Variants in CBLB observed in about 807,000 individuals in gnomAD.
CBLB encodes E3 ubiquitin-protein ligase CBL-B.
CBLB carries 31 observed loss-of-function variants against 104.9 expected under a neutral mutation model. The observed-to-expected ratio is 0.30, with a 90% CI of 0.22 to 0.40. The LOEUF is 0.40. Ranked by LOEUF, CBLB falls within the 10% of genes least tolerant of loss-of-function variation. The pLI, the probability that CBLB is intolerant of heterozygous loss-of-function variation, is 1.00. For missense variants in CBLB, 1,062 were observed against 1,214.6 expected (o/e 0.87, Z 1.87); for synonymous variants, 440 against 422.6 (o/e 1.04, Z -0.51).
intron 3 of CBLB, among the ~76,000 whole-genome samples, chr3:105,816,830 C>T (rs940459960): frequency 1.3e-5 from 2 of 152,042 alleles, no homozygotes; most frequent in Admixed American, 1.3e-4. Context: ...TATATGGTCT[C>T]TTATTAATGG....
intron 2 of CBLB, among the ~76,000 whole-genome samples, chr3:105,863,312 A>G (rs139250772): frequency 3.3e-5 from 5 of 152,344 alleles, no homozygotes; most frequent in African/African-American, 7.2e-5. Flanking sequence ...ACTGAGTACT[A>G]AACAAAACTG....
chr3:105,655,622 A>G lies in CBLB; in HGVS notation c.*3348T>C, dbSNP rs1444537538. Reference sequence around the variant, plus strand: ...GTTTTAAAAAGGCATTTTAAAAAACAATAAAATAGTAATTGGGGAAAAAAC... The same window carrying G: ...GTTTTAAAAAGGCATTTTAAAAAACGATAAAATAGTAATTGGGGAAAAAAC... On this transcript the variant is annotated 3_prime_UTR_variant, in exon 19 of 19. Coordinates refer to ENST00000394030, the MANE Select transcript of CBLB (RefSeq NM_170662.5). 1 of 188,624 alleles carries G rather than the reference A, an allele frequency of 5.3e-6. No individual in the cohort carries two copies. Among genetic ancestry groups the G allele is most frequent in the East Asian group, 8.5e-5 (1 of 11,834 alleles). The allele number at this position is 188,624 out of a possible 1,614,324, so 11.7% of individuals were successfully genotyped here. A position where few individuals can be genotyped will look rare whatever the true frequency, so the allele number is the denominator to read the frequency against.
chr3:105,839,217 T>C (rs968663702), intron 3 of CBLB, among the ~76,000 whole-genome samples: 2 of 152,178 alleles, frequency 1.3e-5, no homozygotes, highest in Non-Finnish European at 2.9e-5. Context: ...TTCAGAGGAT[T>C]AGAATGCATC....
chr3:105,829,299 CTGTT>C lies in CBLB; in HGVS notation c.419+24111_419+24114del, dbSNP rs2087062002. Among the ~76,000 whole-genome samples the C allele has an allele frequency of 2.6e-5, 4 of 152,130 alleles. No homozygotes were observed. The South Asian group carries it at 8.3e-4, about 32-fold the overall frequency. ...ACAGGTAAAATAAACGTAACGAATA[CTGTT>C]TGTCTTTCCATAAAGATGTTTTGTC... On this transcript the variant is annotated intron_variant, in intron 3 of 18. Coordinates refer to ENST00000394030, the MANE Select transcript of CBLB (RefSeq NM_170662.5).
chr3:105,660,970 T>C (rs1576085759), intron 18 of CBLB, among the ~76,000 whole-genome samples: 2 of 151,130 alleles, frequency 1.3e-5, no homozygotes, highest in Non-Finnish European at 3.0e-5. Flanking sequence ...CTTCTTCTTT[T>C]TTTTTTTTTT....
chr3:105,762,873 T>C (rs527404367), intron 4 of CBLB, among the ~76,000 whole-genome samples: 3 of 152,194 alleles, frequency 2.0e-5, no homozygotes, highest in South Asian at 2.1e-4. Flanking sequence ...TTTTGCACCA[T>C]GCACCTGGAA....
At chr3:105,868,152 T>C (rs375126491) in intron 1 of CBLB, 1 of 1,167,776 alleles carries the variant, frequency 8.6e-7, no homozygotes, top group Non-Finnish European at 1.1e-6. Context: ...AACCACCAAG[T>C]ACGGACACAC....
At chr3:105,762,682 C>A (rs937706202) in intron 4 of CBLB, among the ~76,000 whole-genome samples, 1 of 152,204 alleles carries the variant, frequency 6.6e-6, no homozygotes, top group African/African-American at 2.4e-5. Context: ...GCTGCAGGGG[C>A]AGGGCTCTTG....
intron 4 of CBLB, among the ~76,000 whole-genome samples, chr3:105,766,785 G>A (rs57567169): frequency 0.021 from 3,125 of 152,228 alleles, 115 homozygotes; most frequent in African/African-American, 0.071. Flanking sequence ...ACTTCATTGC[G>A]ATGTACTTTA....
chr3:105,867,325 T>C, intron 2 of CBLB, 85 bp downstream of exon 2: 2 of 1,156,068 alleles, frequency 1.7e-6, no homozygotes, highest in Non-Finnish European at 2.6e-6. Context: ...CAATGGTTGG[T>C]ATTAATTAAC....
At chr3:105,767,469 C>T (rs1417331444) in intron 4 of CBLB, among the ~76,000 whole-genome samples, 1 of 151,944 alleles carries the variant, frequency 6.6e-6, no homozygotes, top group Non-Finnish European at 1.5e-5. Context: ...AAACCATTTT[C>T]CCCCTGTGGT....
chr3:105,687,910 T>C (rs910271702), intron 13 of CBLB, among the ~76,000 whole-genome samples: 2 of 151,810 alleles, frequency 1.3e-5, no homozygotes, highest in Non-Finnish European at 2.9e-5. Flanking sequence ...AATAAAAAAC[T>C]AGAGTCATGT....
intron 16 of CBLB, chr3:105,681,183 C>A (rs2066274506): frequency 1.1e-5 from 5 of 457,766 alleles, no homozygotes; most frequent in Non-Finnish European, 1.9e-5. Context: ...TTCAAGTCAT[C>A]ACTTCAAAAC....
At chr3:105,860,030 C>CATTA (rs2091967708) in intron 2 of CBLB, among the ~76,000 whole-genome samples, 1 of 152,174 alleles carries the variant, frequency 6.6e-6, no homozygotes, top group Non-Finnish European at 1.5e-5. Context: ...AGAAGATTGA[C>CATTA]ATTAAGAAGC....
intron 10 of CBLB, among the ~76,000 whole-genome samples, chr3:105,715,621 G>A (rs911542822): frequency 2.0e-5 from 3 of 152,074 alleles, no homozygotes; most frequent in African/African-American, 4.8e-5. Flanking sequence ...TCATTGGCCC[G>A]CTCATAAAAG....
intron 3 of CBLB, among the ~76,000 whole-genome samples, chr3:105,847,254 T>G (rs973127239): frequency 1.3e-5 from 2 of 152,080 alleles, no homozygotes; most frequent in African/African-American, 4.8e-5. Context: ...AAATTATTCT[T>G]TGTTTAGCCA....
intron 4 of CBLB, among the ~76,000 whole-genome samples, chr3:105,759,610 G>A (rs547959294): frequency 6.6e-6 from 1 of 152,180 alleles, no homozygotes; most frequent in African/African-American, 2.4e-5. Flanking sequence ...GCATGTCAGC[G>A]CCACCCTGAG....
intron 9 of CBLB, among the ~76,000 whole-genome samples, chr3:105,732,581 C>A (rs1461094871): frequency 1.3e-5 from 2 of 149,068 alleles, no homozygotes; most frequent in African/African-American, 2.5e-5. Context: ...AAATATAAAT[C>A]AACTGTAATT....
chr3:105,836,983 T>C (rs1046703019), intron 3 of CBLB, among the ~76,000 whole-genome samples: 1 of 141,336 alleles, frequency 7.1e-6, no homozygotes, highest in Non-Finnish European at 1.5e-5. Flanking sequence ...AAAAAAAAAA[T>C]CATTTATAGC....
Sources: allele counts gnomAD v4.1 joint callset (sites outside exome capture counted in the v4.1 genomes callset), GRCh38; gene constraint gnomAD v4.1.1; transcripts MANE v1.5; gene names NCBI Gene and HGNC (gene_info 2026-07-23, HGNC 2026-07-21).